The following DEPDC5 variants were observed in gnomAD, a reference collection of about 807,000 sequenced individuals.
DEPDC5 encodes GATOR1 complex protein DEPDC5.
DEPDC5 carries 73 observed loss-of-function variants against 217.3 expected under a neutral mutation model. That is an observed-to-expected ratio of 0.34 (90% CI 0.28 to 0.41). The LOEUF (loss-of-function observed/expected upper bound fraction) is 0.41, where lower values mean the gene tolerates loss of function less well. Ranked by LOEUF, DEPDC5 falls within the 10% of genes least tolerant of loss-of-function variation. The probability of loss-of-function intolerance (pLI) is 1.00; values close to 1 mark genes in which losing one functional copy is unlikely to be tolerated. For missense variants in DEPDC5, 1,675 were observed against 2,070.1 expected (o/e 0.81, Z 3.70); for synonymous variants, 733 against 756.7 (o/e 0.97, Z 0.51).
At chr22:31,767,986 C>A (rs1002576019) in intron 6 of DEPDC5, among the ~76,000 whole-genome samples, 4 of 151,774 alleles carry the variant, frequency 2.6e-5, no homozygotes, top group East Asian at 1.9e-4. Flanking sequence ...ACCTCGTGAT[C>A]GTCCCATCTC....
intron 12 of DEPDC5, among the ~76,000 whole-genome samples, chr22:31,796,382 C>T (rs768051720): frequency 2.0e-5 from 3 of 152,128 alleles, no homozygotes; most frequent in South Asian, 2.1e-4. Flanking sequence ...GGATTACAGG[C>T]GTTAGCCACT....
At chr22:31,889,541 CTTTTTTTTTTTTTTT>C (rs136874) in intron 38 of DEPDC5, among the ~76,000 whole-genome samples, 1 of 99,622 alleles carries the variant, frequency 1.0e-5, no homozygotes, top group African/African-American at 3.9e-5. Flanking sequence ...GGCAAAACTT[CTTTTTTTTTTTTTTT>C]TTTTTTTTTT....
chr22:31,879,061 TATATATAC>T (rs1365060917), intron 37 of DEPDC5, among the ~76,000 whole-genome samples: 6 of 136,154 alleles, frequency 4.4e-5, no homozygotes, highest in African/African-American at 1.4e-4. Flanking sequence ...TATATATATA[TATATATAC>T]ACACACACAC....
intron 2 of DEPDC5, among the ~76,000 whole-genome samples, chr22:31,758,058 C>T (rs1046699668): frequency 6.6e-6 from 1 of 152,188 alleles, no homozygotes; most frequent in African/African-American, 2.4e-5. Flanking sequence ...GCCACTGCTC[C>T]TGGACTCTCT....
chr22:31,876,322 T>C, intron 37 of DEPDC5, 57 bp downstream of exon 37: 1 of 1,388,358 alleles, frequency 7.2e-7, no homozygotes, highest in Admixed American at 1.8e-5. Context: ...CCTGGTGACT[T>C]GCTCTTTCAC....
chr22:31,803,359 C>T (rs576080518), intron 15 of DEPDC5, among the ~76,000 whole-genome samples: 4 of 152,084 alleles, frequency 2.6e-5, no homozygotes, highest in South Asian at 4.2e-4. Context: ...TACAGGCATC[C>T]GCCACCATGC....
rs529994803 is a variant in DEPDC5 at position 31,888,426 on chromosome 22, A to G, written c.4034-5156A>G. ...CACCACACCTGGCTAATGTTTTTCT[A>G]TTTTTAATAGAGATGTGGTTTCACC... On this transcript the variant is annotated intron_variant, in intron 38 of 42. Transcript: ENST00000651528. Among the ~76,000 whole-genome samples, 7 of 150,788 alleles carry G rather than the reference A, an allele frequency of 4.6e-5. 1 individual carries two copies. In the South Asian group the frequency reaches 1.3e-3, roughly 27 times the overall value.
At position 31,883,653 on chromosome 22, in the gene DEPDC5, A is replaced by G. The variant is rs148670731; in HGVS notation, c.4033+3901A>G. ...GGAAACTGTGAGGCTCAGAGAGGCG[A>G]AGTAATTTGCCCAAGGCTCTGCAGC... On this transcript the variant is annotated intron_variant, in intron 38 of 42. Coordinates refer to ENST00000651528, the MANE Select transcript of DEPDC5 (RefSeq NM_001242896.3). Among the ~76,000 whole-genome samples the G allele has an allele frequency of 7.9e-5, 12 of 152,312 alleles. 1 individual carries two copies. The East Asian group carries it at 2.3e-3, about 29-fold the overall frequency.
intron 12 of DEPDC5, 119 bp downstream of exon 12, chr22:31,792,936 A>T: frequency 1.2e-6 from 1 of 839,574 alleles, no homozygotes; most frequent in Non-Finnish European, 1.6e-6. Flanking sequence ...AATACAAAAA[A>T]TTCGCCTCTT....
At chr22:31,807,416 A>G (rs2087679043) in intron 18 of DEPDC5, among the ~76,000 whole-genome samples, 1 of 152,210 alleles carries the variant, frequency 6.6e-6, no homozygotes, top group African/African-American at 2.4e-5. Context: ...AAGAATTTTA[A>G]CAAGTGTTTG....
chr22:31,854,037 C>A (rs991181900), intron 31 of DEPDC5, among the ~76,000 whole-genome samples: 1 of 152,206 alleles, frequency 6.6e-6, no homozygotes, highest in Admixed American at 6.5e-5. Context: ...AAGGCCCACC[C>A]GGTGCATATG....
intron 4 of DEPDC5, among the ~76,000 whole-genome samples, chr22:31,763,804 G>A (rs1038715989): frequency 6.6e-6 from 1 of 151,812 alleles, no homozygotes; most frequent in Admixed American, 6.6e-5. Flanking sequence ...GGCTACTCTG[G>A]TTACGCTGCC....
intron 24 of DEPDC5, chr22:31,826,495 T>C (rs901675305): frequency 9.3e-6 from 4 of 428,076 alleles, no homozygotes; most frequent in Non-Finnish European, 1.9e-5. Context: ...TTCCTCTCTA[T>C]AGAATATGCT....
intron 35 of DEPDC5, 84 bp from the exon 36 acceptor site, chr22:31,874,189 G>T: frequency 6.5e-7 from 1 of 1,530,210 alleles, no homozygotes; most frequent in Non-Finnish European, 8.8e-7. Flanking sequence ...TCTAGTGGGA[G>T]TCCCTTCTTT....
intron 4 of DEPDC5, 25 bp downstream of exon 4, chr22:31,760,727 G>A: frequency 6.3e-7 from 1 of 1,575,652 alleles, no homozygotes; most frequent in Non-Finnish European, 8.7e-7. Flanking sequence ...ACTCTTCTTA[G>A]AATTTTTTAT....
At chr22:31,760,985 T>C (rs1181563021) in intron 4 of DEPDC5, among the ~76,000 whole-genome samples, 1 of 151,694 alleles carries the variant, frequency 6.6e-6, no homozygotes, top group Non-Finnish European at 1.5e-5. Flanking sequence ...TAACATTGTT[T>C]TTTTTTTTTT....
rs1287481796 is a variant in DEPDC5 at position 31,760,106 on chromosome 22, C to T, written c.147-550C>T. On this transcript the variant is annotated intron_variant, in intron 3 of 42. Coordinates refer to ENST00000651528, the MANE Select transcript of DEPDC5 (RefSeq NM_001242896.3). ...TTTGTGAGACGGAGTCTTGCTCTGT[C>T]GCCCAGGCTGGAGTGCAGTGGCACA... Among the ~76,000 whole-genome samples the T allele has an allele frequency of 5.4e-5, 8 of 148,750 alleles. No individual in the cohort carries two copies. In the South Asian group the frequency reaches 1.0e-3, roughly 20 times the overall value.
chr22:31,798,516 T>C, intron 13 of DEPDC5, 66 bp from the exon 14 acceptor site: 1 of 1,456,814 alleles, frequency 6.9e-7, no homozygotes, highest in South Asian at 1.2e-5. Flanking sequence ...AGGCTTCGTT[T>C]AAAATTAAAA....
intron 34 of DEPDC5, 147 bp from the exon 35 acceptor site, chr22:31,873,108 T>C (rs899693166): frequency 1.8e-5 from 26 of 1,479,566 alleles, no homozygotes; most frequent in East Asian, 5.0e-5. Flanking sequence ...CCCCCTGATA[T>C]AGCTGTTTGG....
Sources: gnomAD v4.1 joint callset for allele counts (sites outside exome capture counted in the v4.1 genomes callset) on GRCh38, gnomAD v4.1.1 for gene constraint, MANE v1.5 for transcripts, NCBI Gene and HGNC (gene_info 2026-07-23, HGNC 2026-07-21) for gene names.